The following ARHGEF28 variants were observed in gnomAD, a reference collection of about 807,000 sequenced individuals.
ARHGEF28 encodes the protein Rho guanine nucleotide exchange factor 28.
ARHGEF28 carries 152 observed loss-of-function variants against 206.6 expected under a neutral mutation model. The ratio of observed to expected loss-of-function variants is 0.74; its 90% confidence interval spans 0.64 to 0.84. The LOEUF is 0.84. Ranked by LOEUF, ARHGEF28 falls within the 40% of genes least tolerant of loss-of-function variation. ARHGEF28 has a pLI of 0.00. For missense variants in ARHGEF28, 2,028 were observed against 2,073.2 expected, an observed-to-expected ratio of 0.98 and a Z score of 0.42; for synonymous variants, 763 against 776.4, an observed-to-expected ratio of 0.98 and a Z score of 0.29.
chr5:73,668,082 T>C (rs986695854), intron 1 of ARHGEF28, among the ~76,000 whole-genome samples: 1 of 152,308 alleles, frequency 6.6e-6, no homozygotes, highest in South Asian at 2.1e-4. Context: ...CACTTGTCTT[T>C]TTCTGAGCCC....
intron 22 of ARHGEF28, among the ~76,000 whole-genome samples, chr5:73,876,129 G>C (rs1760466473): frequency 6.7e-6 from 1 of 149,228 alleles, no homozygotes; most frequent in Admixed American, 6.7e-5. Flanking sequence ...TTGAAGAGGT[G>C]CTTCACGTCC....
intron 2 of ARHGEF28, among the ~76,000 whole-genome samples, chr5:73,743,150 A>C (rs1029469172): frequency 6.6e-6 from 1 of 152,054 alleles, no homozygotes; most frequent in African/African-American, 2.4e-5. Context: ...AACTTCCTTC[A>C]GTATTTCTTT....
intron 2 of ARHGEF28, among the ~76,000 whole-genome samples, chr5:73,743,176 G>A (rs1190696439): frequency 3.9e-5 from 6 of 152,002 alleles, no homozygotes; most frequent in Admixed American, 3.3e-4. Flanking sequence ...CTGGTCTGTT[G>A]GCACTGAATT....
chr5:73,743,512 T>C (rs1580556047), intron 2 of ARHGEF28, among the ~76,000 whole-genome samples: 1 of 152,250 alleles, frequency 6.6e-6, no homozygotes, highest in African/African-American at 2.4e-5. Flanking sequence ...TTTTAAGTTA[T>C]TTTAGTTAAC....
intron 1 of ARHGEF28, among the ~76,000 whole-genome samples, chr5:73,628,651 G>A (rs1743162103): frequency 1.3e-5 from 2 of 152,180 alleles, no homozygotes; most frequent in African/African-American, 2.4e-5. Flanking sequence ...GAAGAGGTGG[G>A]TCAACCTGGG....
intron 2 of ARHGEF28, among the ~76,000 whole-genome samples, chr5:73,728,082 G>C (rs1471649816): frequency 6.6e-6 from 1 of 152,198 alleles, no homozygotes; most frequent in Non-Finnish European, 1.5e-5. Context: ...AGTTCGTCTT[G>C]TTAGTGTTGG....
intron 9 of ARHGEF28, 147 bp from the exon 10 acceptor site, chr5:73,832,191 T>C: frequency 9.8e-7 from 1 of 1,017,470 alleles, no homozygotes; most frequent in Non-Finnish European, 1.4e-6. Context: ...AGATGAAAAA[T>C]TACTTGCATG....
At chr5:73,719,921 A>C (rs932589409) in intron 2 of ARHGEF28, among the ~76,000 whole-genome samples, 4 of 152,198 alleles carry the variant, frequency 2.6e-5, no homozygotes, top group African/African-American at 9.7e-5. Context: ...CTAACTAATT[A>C]CTGGATATGA....
At chr5:73,888,522 A>G (rs193104009) in intron 26 of ARHGEF28, among the ~76,000 whole-genome samples, 72 of 152,352 alleles carry the variant, frequency 4.7e-4, no homozygotes, top group Middle Eastern at 3.4e-3. Flanking sequence ...GGTGAGGGCC[A>G]TGTAGGAACA....
rs143396709 is a variant in ARHGEF28 at position 73,935,282 on chromosome 5, C to T, written c.4949-5562C>T. On this transcript the variant is annotated intron_variant, in intron 35 of 35. Transcript: ENST00000513042. ...CATACATACACAAACACATGCCCAC[C>T]CCACAGCACACTTCAGTTGTTTTAT... 4.4e-3 allele frequency among the ~76,000 whole-genome samples: 669 copies of T among 152,204 alleles called. 1 individual carries two copies. The highest frequency in any genetic ancestry group is 6.7e-3 in the Non-Finnish European group (456 of 68,012).
At chr5:73,896,984 C>T (rs529204812) in intron 29 of ARHGEF28, among the ~76,000 whole-genome samples, 1 of 152,344 alleles carries the variant, frequency 6.6e-6, no homozygotes, top group South Asian at 2.1e-4. Flanking sequence ...AAAGATGGAG[C>T]AGGAGTTCTT....
At chr5:73,725,306 CCTT>C (rs1024468350) in intron 2 of ARHGEF28, among the ~76,000 whole-genome samples, 1 of 152,182 alleles carries the variant, frequency 6.6e-6, no homozygotes, top group African/African-American at 2.4e-5. Flanking sequence ...TTTGAACACA[CCTT>C]CTCATATTTG....
At chr5:73,681,976 T>C (rs926616556) in intron 1 of ARHGEF28, among the ~76,000 whole-genome samples, 1 of 152,088 alleles carries the variant, frequency 6.6e-6, no homozygotes, top group African/African-American at 2.4e-5. Flanking sequence ...CTTAACCATG[T>C]GGGAGGCTGA....
At chr5:73,783,345 A>AGTGTGT (rs57320048) in intron 7 of ARHGEF28, among the ~76,000 whole-genome samples, 12,547 of 145,766 alleles carry the variant, frequency 0.086, 633 homozygotes, top group Middle Eastern at 0.12. Context: ...CCTGGAATAT[A>AGTGTGT]GTGTGTGTGT....
chr5:73,845,845 G>A (rs1031324429), intron 11 of ARHGEF28, among the ~76,000 whole-genome samples: 3 of 151,802 alleles, frequency 2.0e-5, no homozygotes, highest in African/African-American at 4.8e-5. Flanking sequence ...AAAATTGGCC[G>A]GGCGTGGTGG....
At chr5:73,669,276 C>T (rs1054439947) in intron 1 of ARHGEF28, among the ~76,000 whole-genome samples, 1 of 151,944 alleles carries the variant, frequency 6.6e-6, no homozygotes, top group Non-Finnish European at 1.5e-5. Flanking sequence ...AATAATAATA[C>T]TAAAAAAGAA....
chr5:73,792,725 A>G (rs1464335892), intron 7 of ARHGEF28, among the ~76,000 whole-genome samples: 1 of 151,202 alleles, frequency 6.6e-6, no homozygotes, highest in East Asian at 1.9e-4. Flanking sequence ...ATGAGTTTCA[A>G]AACCAAACCA....
intron 35 of ARHGEF28, among the ~76,000 whole-genome samples, chr5:73,925,185 G>A (rs1317226577): frequency 1.3e-5 from 2 of 152,098 alleles, no homozygotes; most frequent in Admixed American, 6.5e-5. Context: ...TCCATGTGCT[G>A]GAAGTCCCTC....
At chr5:73,817,441 C>A (rs1756291715) in intron 9 of ARHGEF28, among the ~76,000 whole-genome samples, 1 of 152,192 alleles carries the variant, frequency 6.6e-6, no homozygotes, top group Non-Finnish European at 1.5e-5. Context: ...TCTATGATAT[C>A]TGAGTCCCAA....
Sources: allele counts gnomAD v4.1 joint callset (sites outside exome capture counted in the v4.1 genomes callset), GRCh38; gene constraint gnomAD v4.1.1; transcripts MANE v1.5; gene names NCBI Gene and HGNC (gene_info 2026-07-23, HGNC 2026-07-21).